The following DNAH1 variants were observed in gnomAD, a reference collection of about 807,000 sequenced individuals.
DNAH1 encodes dynein axonemal heavy chain 1, also known as axonemal beta dynein heavy chain 1.
DNAH1 carries 327 observed loss-of-function variants against 484.3 expected under a neutral mutation model. That is an observed-to-expected ratio of 0.68 (90% confidence interval 0.62 to 0.74). DNAH1 has a LOEUF of 0.74. DNAH1 is among the 30% of genes least tolerant of loss of function. The probability of loss-of-function intolerance (pLI) is 0.00; values close to 1 mark genes in which losing one functional copy is unlikely to be tolerated. For synonymous variants in DNAH1, 2,192 were observed against 2,191.9 expected, an observed-to-expected ratio of 1.00 and a Z score of 0.00; for missense variants, 5,052 against 5,546.8, an observed-to-expected ratio of 0.91 and a Z score of 2.83.
Position 52,347,813 on chromosome 3 carries a change from A to G in DNAH1, c.1956-11A>G, listed in dbSNP as rs766438959. Reference sequence around the variant, plus strand: ...GGCCTCTGCCCACAGTCAGCTCGCCATTGCCTGCAGGCCCCGGAAGAATCC... The same window carrying G: ...GGCCTCTGCCCACAGTCAGCTCGCCGTTGCCTGCAGGCCCCGGAAGAATCC... On this transcript the variant is annotated splice_polypyrimidine_tract_variant and intron_variant, in intron 11 of 77. Coordinates refer to ENST00000420323, the MANE Select transcript of DNAH1 (RefSeq NM_015512.5). 5.1e-6 allele frequency: 8 copies of G among 1,569,694 alleles called. No individual in the cohort carries two copies. Among genetic ancestry groups the G allele is most frequent in the Non-Finnish European group, 6.9e-6 (8 of 1,154,750 alleles).
At chr3:52,370,451 C>T (rs1436160334) in intron 39 of DNAH1, 26 bp from the exon 40 acceptor site, 2 of 1,613,846 alleles carry the variant, frequency 1.2e-6, no homozygotes, top group South Asian at 2.2e-5. Flanking sequence ...CCTGTCTCAG[C>T]CTGATACTGT....
In DNAH1 at chr3:52,364,983, G is replaced by A. The variant is rs778526121; in HGVS notation, c.5482G>A (p.Glu1828Lys). 16 of 1,613,312 alleles carry A rather than the reference G, an allele frequency of 9.9e-6. No individual in the cohort carries two copies. The highest frequency in any genetic ancestry group is 4.4e-5 in the South Asian group (4 of 91,078). ...CGGCATCCTGGATGAGGCCATCCGC[G>A]AGGCCTGCAGGAACAGCAACCTCAA... ...DYGILDEAIR[E>K]ACRNSNLKDV... Residue 1828 changes from glutamate (E) to lysine (K), a missense_variant, in exon 34 of 78, where the codon GAG becomes AAG. Physicochemically the swap from Glu to Lys is moderately conservative, Grantham distance 56. Around this residue, in one of 4 missense-constraint regions of DNAH1, gnomAD observed 2,929 missense variants for 3,409.4 expected, o/e 0.86. Transcript: ENST00000420323. This position sits in a 1 kb window ranked among gnomAD's most constrained non-coding sequence, Gnocchi z 4.2.
chr3:52,349,087 T>C lies in DNAH1; in HGVS notation c.2300+6T>C. 2 of 1,613,058 alleles carry C rather than the reference T, an allele frequency of 1.2e-6. No individual in the cohort carries two copies. Among genetic ancestry groups the C allele is most frequent in the Non-Finnish European group, 1.7e-6 (2 of 1,179,682 alleles). ...GACATTGCCTCCTTTCTCAAGTGCG[T>C]ACGTGTGCCCATGCACGTCGGAGGG... On this transcript the variant is annotated splice_donor_region_variant and intron_variant, in intron 13 of 77. Transcript: ENST00000420323.
rs1045778093 is a variant in DNAH1 at position 52,358,289 on chromosome 3, G to T, written c.4087-269G>T. On this transcript the variant is annotated intron_variant, in intron 24 of 77. Transcript: ENST00000420323. This position sits in a 1 kb window ranked among gnomAD's most constrained non-coding sequence, Gnocchi z 4.2. ...GCCTGCCTTGTCTTCCCTCATCTAT[G>T]CAGGAGGCCGGGGACATGCAAGGCA... Among the ~76,000 whole-genome samples the T allele has an allele frequency of 3.9e-5, 6 of 152,226 alleles. No homozygotes were observed. Among genetic ancestry groups the T allele is most frequent in the African/African-American group, 1.4e-4 (6 of 41,458 alleles).
At chr3:52,393,514 G>T in intron 66 of DNAH1, 29 bp downstream of exon 66, 1 of 1,610,658 alleles carries the variant, frequency 6.2e-7, no homozygotes, top group Non-Finnish European at 8.5e-7. Flanking sequence ...AGGACAGACT[G>T]CCTGAGGGGT....
Position 52,399,533 on chromosome 3 carries a change from G to A in DNAH1, c.12442-12G>A. The A allele has an allele frequency of 1.3e-6, 2 of 1,596,478 alleles. No individual in the cohort carries two copies. Among genetic ancestry groups the A allele is most frequent in the Non-Finnish European group, 1.7e-6 (2 of 1,167,988 alleles). ...TGTTATGTGTGTGGGGTGTGTCTGT[G>A]TCTACCCACAGGTGATGTTTGAGGC... On this transcript the variant is annotated splice_polypyrimidine_tract_variant and intron_variant, in intron 76 of 77. Transcript: ENST00000420323.
At chr3:52,371,106 C>T (rs971996476) in intron 41 of DNAH1, among the ~76,000 whole-genome samples, 1 of 152,240 alleles carries the variant, frequency 6.6e-6, no homozygotes, top group Admixed American at 6.5e-5. Flanking sequence ...GCCTCTTCCA[C>T]ATTGATGCGG....
chr3:52,378,613 C>T lies in DNAH1; in HGVS notation c.7210C>T (p.His2404Tyr). 14 of 1,613,524 alleles carry T rather than the reference C, an allele frequency of 8.7e-6. No individual in the cohort carries two copies. Among genetic ancestry groups the T allele is most frequent in the Non-Finnish European group, 1.2e-5 (14 of 1,179,804 alleles). ...TCCTATTCCCCCAGCTGGGGCCCCC[C>T]ACATTGCCCACTTCACGGAGCCCCT... The part of the protein sequence containing the change: ...SYRERVPGAP[H>Y]IAHFTEPLVE... The change falls in exon 47 of 78, where the codon CAC becomes TAC. Residue 2404 changes from histidine to tyrosine, a missense_variant. This residue lies in a region of DNAH1 where 2,929 missense variants were observed against 3,409.4 expected (regional missense o/e 0.86). Coordinates refer to ENST00000420323, the MANE Select transcript of DNAH1 (RefSeq NM_015512.5).
At position 52,386,334 on chromosome 3, in the gene DNAH1, G is replaced by T; in HGVS notation, c.8800G>T (p.Asp2934Tyr). ...LASLRNLNKNDVTEVRAMQRP... is the reference protein window; with the variant it reads ...LASLRNLNKNYVTEVRAMQRP... ...CAGCCTGCGCAACCTCAACAAGAAC[G>T]ATGTGACCGAGGTGGGCAGCAGGGC... Residue 2934 changes from aspartate (D) to tyrosine (Y), a missense_variant, in exon 55 of 78, where the codon GAT (aspartate) becomes TAT (tyrosine). Coordinates refer to ENST00000420323, the MANE Select transcript of DNAH1 (RefSeq NM_015512.5). The T allele has an allele frequency of 6.3e-7, 1 of 1,577,658 alleles. No homozygotes were observed. The highest frequency in any genetic ancestry group is 8.6e-7 in the Non-Finnish European group (1 of 1,162,024).
intron 54 of DNAH1, 140 bp from the exon 55 acceptor site, chr3:52,386,020 G>T (rs753580602): frequency 1.1e-5 from 11 of 960,538 alleles, no homozygotes; most frequent in Non-Finnish European, 1.3e-5. Context: ...AGGGGCTCCT[G>T]GTATTCCCAG....
chr3:52,327,923 G>A lies in DNAH1; in HGVS notation c.780G>A (p.Glu260=). Residue 260 remains glutamate, a synonymous_variant, in exon 6 of 78, where the codon GAG becomes GAA. Transcript: ENST00000420323. ...ACTTTGACTGCCGGACTCCCAGAGA[G>A]TGGATCAACATGGGCTTGGAGCCAG... is the stretch of plus-strand genomic sequence containing the variant. ...NEDFDCRTPR[E]WINMGLEPGS... is the part of the protein sequence containing the mutation. The A allele has an allele frequency of 6.2e-7, 1 of 1,613,984 alleles. No homozygotes were observed. The highest frequency in any genetic ancestry group is 8.5e-7 in the Non-Finnish European group (1 of 1,179,840).
rs1425985660 is a variant in DNAH1, at chr3:52,385,395, C to T, written c.8573C>T (p.Pro2858Leu). ...KMQEDLESMH[P>L]LLEEAAKDTM... ...CAGGAGGACCTGGAGAGTATGCACC[C>T]CCTGCTGGAGGAGGCTGCCAAGGAC... The change falls in exon 54 of 78, where the codon CCC becomes CTC. Residue 2858 changes from proline to leucine, a missense_variant. Transcript: ENST00000420323. 2 of 1,552,904 alleles carry T rather than the reference C, an allele frequency of 1.3e-6. No individual in the cohort carries two copies. Among genetic ancestry groups the T allele is most frequent in the Non-Finnish European group, 8.7e-7 (1 of 1,147,688 alleles).
Position 52,370,192 on chromosome 3 carries a change from T to C in DNAH1, c.6221T>C (p.Leu2074Pro), listed in dbSNP as rs200418483. ...NCNLTMSLLK[L>P]LDCFFKPFLP... ...AACCTGACCATGAGCCTCCTCAAGC[T>C]GCTGGACTGCTTCTTCAAGCCCTTT... Residue 2074 changes from leucine to proline, a missense_variant, in exon 39 of 78, where the codon CTG becomes CCG. Around this residue, in one of 4 missense-constraint regions of DNAH1, gnomAD observed 2,929 missense variants for 3,409.4 expected, o/e 0.86. Transcript: ENST00000420323. The C allele has an allele frequency of 1.9e-6, 3 of 1,613,896 alleles. No homozygotes were observed. Among genetic ancestry groups the C allele is most frequent in the African/African-American group, 2.7e-5 (2 of 74,946 alleles).
In DNAH1 at chr3:52,344,542, C is replaced by T. The variant is rs1385053188; in HGVS notation, c.1339C>T (p.Arg447Cys). The T allele has an allele frequency of 2.5e-6, 4 of 1,614,002 alleles. No individual in the cohort carries two copies. Among genetic ancestry groups the T allele is most frequent in the South Asian group, 1.1e-5 (1 of 91,088 alleles). ...CAGAGAAGTGAGCCTGGACTATGAG[C>T]GCAGCATGAACAAGATCAACTTTGA... ...LAREVSLDYE[R>C]SMNKINFDHV... is the part of the protein sequence containing the mutation. The change falls in exon 9 of 78, where the codon CGC becomes TGC. Residue 447 changes from arginine to cysteine, a missense_variant. Arg to Cys is a radical substitution (Grantham distance 180). This residue lies in a region of DNAH1 where 1,263 missense variants were observed against 1,218.8 expected (regional missense o/e 1.04). Coordinates refer to ENST00000420323, the MANE Select transcript of DNAH1 (RefSeq NM_015512.5).
chr3:52,315,877 G>A (rs757397571), upstream of DNAH1, among the ~76,000 whole-genome samples: 13 of 152,194 alleles, frequency 8.5e-5, no homozygotes, highest in Non-Finnish European at 1.6e-4. Flanking sequence ...ACTGACTCAC[G>A]GTGTCCTTCC....
At chr3:52,384,407 G>A (rs1268040972) in intron 52 of DNAH1, among the ~76,000 whole-genome samples, 3 of 152,154 alleles carry the variant, frequency 2.0e-5, no homozygotes, top group Admixed American at 1.3e-4. Context: ...CTGAGGCCTT[G>A]GGCCCTGTCT....
intron 8 of DNAH1, 81 bp from the exon 9 acceptor site, chr3:52,344,409 G>T (rs1702063295): frequency 6.5e-7 from 1 of 1,544,706 alleles, no homozygotes; most frequent in Non-Finnish European, 8.8e-7. Flanking sequence ...CCAGGTCCAT[G>T]CCAGAGCAGA....
rs555837131 is a variant in DNAH1 at position 52,370,237 on chromosome 3, C to T, written c.6258+8C>T. The T allele has an allele frequency of 6.2e-7, 1 of 1,613,252 alleles. No homozygotes were observed. Among genetic ancestry groups the T allele is most frequent in the African/African-American group, 1.3e-5 (1 of 75,040 alleles). ...CCCTTTCTGCCTAGAGAGGTACAGCCCTGAGAGTGGGGCTAGATGCACCTG... is the reference window on the plus strand; with the variant it reads ...CCCTTTCTGCCTAGAGAGGTACAGCTCTGAGAGTGGGGCTAGATGCACCTG... On this transcript the variant is annotated splice_region_variant and intron_variant, in intron 39 of 77. Transcript: ENST00000420323.
rs373734927 is a variant in DNAH1, at chr3:52,399,000, C to T, written c.12240C>T (p.Tyr4080=). ...TVPELWSAKA[Y]PSLKPLSSWV... is the part of the protein sequence containing the mutation. ...CTGAGCTCTGGAGTGCCAAGGCCTA[C>T]CCATCGCTCAAGCCTCTGTCATCAT... The change falls in exon 76 of 78, where the codon TAC becomes TAT. Residue 4080 remains tyrosine, a synonymous_variant. Coordinates refer to ENST00000420323, the MANE Select transcript of DNAH1 (RefSeq NM_015512.5). 2 of 1,613,974 alleles carry T rather than the reference C, an allele frequency of 1.2e-6. No individual in the cohort carries two copies. Among genetic ancestry groups the T allele is most frequent in the Non-Finnish European group, 8.5e-7 (1 of 1,179,872 alleles).
Sources: gnomAD v4.1 joint callset for allele counts (sites outside exome capture counted in the v4.1 genomes callset) on GRCh38, gnomAD v4.1.1 for gene constraint, gnomAD v4.1.1 regional missense constraint, Gnocchi (gnomAD v3.1) non-coding constraint, MANE v1.5 for transcripts, NCBI Gene and HGNC (gene_info 2026-07-23, HGNC 2026-07-21) for gene names.